SLX4IP: variants seen among roughly 807,000 people sequenced by gnomAD.
SLX4IP encodes the protein SLX4 interacting protein, also known as protein SLX4IP.
Under a neutral mutation model 32.9 loss-of-function variants are expected in SLX4IP, and 34 were observed. The observed-to-expected ratio is 1.03, with a 90% CI of 0.79 to 1.38. The LOEUF (loss-of-function observed/expected upper bound fraction) is 1.38. Ranked by LOEUF, SLX4IP falls within the 40% of genes most tolerant of loss-of-function variation. SLX4IP has a pLI of 0.00. For missense variants in SLX4IP, 444 were observed against 479.0 expected, an observed-to-expected ratio of 0.93 and a Z score of 0.68; for synonymous variants, 172 against 171.7, an observed-to-expected ratio of 1.00 and a Z score of -0.01.
intron 2 of SLX4IP, among the ~76,000 whole-genome samples, chr20:10,504,003 C>T (rs1375382787): frequency 1.3e-5 from 2 of 152,188 alleles, no homozygotes; most frequent in African/African-American, 4.8e-5. Context: ...GGAGTTAGGA[C>T]TTATCCTAAT....
chr20:10,537,520 G>A (rs1190430609), intron 2 of SLX4IP, among the ~76,000 whole-genome samples: 2 of 152,170 alleles, frequency 1.3e-5, no homozygotes, highest in African/African-American at 2.4e-5. Flanking sequence ...AGTTTGGCCC[G>A]AAGAGTATCA....
At chr20:10,571,486 CCT>C (rs1448296508) in intron 4 of SLX4IP, among the ~76,000 whole-genome samples, 1 of 152,158 alleles carries the variant, frequency 6.6e-6, no homozygotes, top group African/African-American at 2.4e-5. Context: ...CTTCTGCTCC[CCT>C]GTGTGTGCCC....
At chr20:10,493,697 A>G (rs2065644239) in intron 2 of SLX4IP, among the ~76,000 whole-genome samples, 1 of 152,082 alleles carries the variant, frequency 6.6e-6, no homozygotes, top group South Asian at 2.1e-4. Flanking sequence ...CCTGACTTTA[A>G]TGGAAATAAT....
chr20:10,535,861 G>T (rs1423947118), intron 2 of SLX4IP, among the ~76,000 whole-genome samples: 3 of 152,156 alleles, frequency 2.0e-5, no homozygotes, highest in Non-Finnish European at 2.9e-5. Flanking sequence ...AGCAAATATT[G>T]AGTAAATTTG....
At chr20:10,560,162 G>A (rs900126478) in intron 3 of SLX4IP, among the ~76,000 whole-genome samples, 5 of 152,214 alleles carry the variant, frequency 3.3e-5, no homozygotes, top group Admixed American at 2.6e-4. Context: ...ATGGGGGGCT[G>A]CTTGCTGTTG....
At chr20:10,517,570 T>A (rs1331395123) in intron 2 of SLX4IP, among the ~76,000 whole-genome samples, 1 of 152,212 alleles carries the variant, frequency 6.6e-6, no homozygotes, top group Non-Finnish European at 1.5e-5. Flanking sequence ...CACTCCTAGC[T>A]CCTTGTCCGT....
chr20:10,513,474 C>G (rs1184899345), intron 2 of SLX4IP, among the ~76,000 whole-genome samples: 1 of 152,208 alleles, frequency 6.6e-6, no homozygotes. Flanking sequence ...TACCTCTCAT[C>G]CTATCCATCT....
intron 1 of SLX4IP, among the ~76,000 whole-genome samples, chr20:10,439,846 C>A (rs1187961264): frequency 1.3e-5 from 2 of 152,090 alleles, no homozygotes; most frequent in Admixed American, 6.5e-5. Flanking sequence ...TAAAGCCAAC[C>A]CTATAATTTC....
chr20:10,463,069 C>G (rs777338458), intron 2 of SLX4IP, among the ~76,000 whole-genome samples: 14 of 152,222 alleles, frequency 9.2e-5, no homozygotes, highest in Non-Finnish European at 1.3e-4. Context: ...ACAACAACAA[C>G]AAGAAAAGAA....
chr20:10,593,432 T>A (rs1275735816), intron 4 of SLX4IP, among the ~76,000 whole-genome samples: 3 of 151,604 alleles, frequency 2.0e-5, no homozygotes, highest in African/African-American at 7.3e-5. Context: ...TTTAGGCAAC[T>A]GAGGTTAAAA....
chr20:10,582,157 AG>A (rs2122526994), intron 4 of SLX4IP, among the ~76,000 whole-genome samples: 1 of 152,298 alleles, frequency 6.6e-6, no homozygotes, highest in South Asian at 2.1e-4. Flanking sequence ...ATGGAATGAC[AG>A]GGCTGTGTGT....
At chr20:10,488,596 C>T (rs1370320704) in intron 2 of SLX4IP, among the ~76,000 whole-genome samples, 1 of 152,130 alleles carries the variant, frequency 6.6e-6, no homozygotes, top group Non-Finnish European at 1.5e-5. Context: ...GCAAGCCTCT[C>T]AGTCTCCTCG....
In SLX4IP at chr20:10,447,099, A is replaced by G. The variant is rs140185482; in HGVS notation, c.-29-11077A>G. Among the ~76,000 whole-genome samples, 206 of 152,272 alleles carry G rather than the reference A, an allele frequency of 1.4e-3. 1 individual carries two copies. Among genetic ancestry groups the G allele is most frequent in the African/African-American group, 4.7e-3 (195 of 41,554 alleles). ...TGAGTCTTGTATGAGATCGAGTCCA[A>G]TTTAATTTTTTCTCAAATAGATATG... On this transcript the variant is annotated intron_variant, in intron 1 of 7. Transcript: ENST00000334534.
intron 2 of SLX4IP, among the ~76,000 whole-genome samples, chr20:10,495,508 G>C (rs914779966): frequency 6.6e-6 from 1 of 150,832 alleles, no homozygotes; most frequent in Non-Finnish European, 1.5e-5. Context: ...TAAATAATCA[G>C]ATAAGTTAAT....
chr20:10,589,424 G>C (rs1426096272), intron 4 of SLX4IP, among the ~76,000 whole-genome samples: 2 of 152,130 alleles, frequency 1.3e-5, no homozygotes, highest in African/African-American at 4.8e-5. Context: ...TACTCCTGAT[G>C]AAGAAGAAAA....
At chr20:10,496,638 C>A (rs537529059) in intron 2 of SLX4IP, among the ~76,000 whole-genome samples, 2 of 150,984 alleles carry the variant, frequency 1.3e-5, no homozygotes, top group East Asian at 3.9e-4. Context: ...TACTACTAGG[C>A]AGGAGGGAAT....
intron 2 of SLX4IP, among the ~76,000 whole-genome samples, chr20:10,543,971 G>A (rs1293615470): frequency 2.0e-5 from 3 of 152,120 alleles, no homozygotes; most frequent in Non-Finnish European, 2.9e-5. Flanking sequence ...TGGATGAAAT[G>A]TATAGCTGTA....
At chr20:10,495,005 A>C (rs1008348163) in intron 2 of SLX4IP, among the ~76,000 whole-genome samples, 16 of 152,180 alleles carry the variant, frequency 1.1e-4, no homozygotes, top group African/African-American at 3.9e-4. Flanking sequence ...AAAAAAAGAC[A>C]AGTGAGATGA....
At chr20:10,540,659 C>T (rs1281307582) in intron 2 of SLX4IP, among the ~76,000 whole-genome samples, 1 of 152,182 alleles carries the variant, frequency 6.6e-6, no homozygotes, top group African/African-American at 2.4e-5. Flanking sequence ...TGTCCCAGCA[C>T]GTTTCCCCTT....
Sources: allele counts gnomAD v4.1 joint callset (sites outside exome capture counted in the v4.1 genomes callset), GRCh38; gene constraint gnomAD v4.1.1; transcripts MANE v1.5; gene names NCBI Gene and HGNC (gene_info 2026-07-23, HGNC 2026-07-21).